Variants in TRPC7 observed in about 807,000 individuals in gnomAD.
TRPC7 encodes short transient receptor potential channel 7.
In TRPC7, 42 loss-of-function variants were observed where a neutral mutation model predicts 90.1. The ratio of observed to expected loss-of-function variants is 0.47; its 90% confidence interval spans 0.36 to 0.60. The LOEUF (loss-of-function observed/expected upper bound fraction) is 0.60. Ranked by LOEUF, TRPC7 falls within the 20% of genes least tolerant of loss-of-function variation. The pLI is 0.00. For missense variants in TRPC7, 955 were observed against 1,112.3 expected (o/e 0.86, Z 2.01); for synonymous variants, 451 against 436.3 (o/e 1.03, Z -0.42).
At chr5:136,305,478 C>T (rs1428569121) in intron 3 of TRPC7, among the ~76,000 whole-genome samples, 1 of 152,076 alleles carries the variant, frequency 6.6e-6, no homozygotes, top group African/African-American at 2.4e-5. Flanking sequence ...TTCAGGCCCC[C>T]TCCCTTCCCT....
intron 3 of TRPC7, among the ~76,000 whole-genome samples, chr5:136,303,500 C>A (rs1416794300): frequency 6.6e-6 from 1 of 152,200 alleles, no homozygotes; most frequent in Non-Finnish European, 1.5e-5. Context: ...ACCCCAGCCA[C>A]AACTTCAGCA....
At chr5:136,294,511 T>C (rs1241736049) in intron 3 of TRPC7, among the ~76,000 whole-genome samples, 1 of 152,076 alleles carries the variant, frequency 6.6e-6, no homozygotes, top group Non-Finnish European at 1.5e-5. Context: ...AAAGAAGACA[T>C]TTATGCAGCC....
chr5:136,323,522 A>T (rs919608121), intron 2 of TRPC7, among the ~76,000 whole-genome samples: 1 of 152,084 alleles, frequency 6.6e-6, no homozygotes, highest in Non-Finnish European at 1.5e-5. Flanking sequence ...ATATGATGTG[A>T]GGTGTAGGTT....
rs1039099665 is a variant in TRPC7, at chr5:136,326,982, A to C, written c.781-11203T>G. Among the ~76,000 whole-genome samples the C allele has an allele frequency of 9.9e-5, 15 of 152,236 alleles. No individual in the cohort carries two copies. In the South Asian group the frequency reaches 1.0e-3, roughly 11 times the overall value. On this transcript the variant is annotated intron_variant, in intron 2 of 11. Coordinates refer to ENST00000513104, the MANE Select transcript of TRPC7 (RefSeq NM_020389.3). ...TGAGGCATTCAAGGGAGATGGAAAA[A>C]CTGGAGTCAGAGAGTGTGATGTGCA... is the stretch of plus-strand genomic sequence containing the variant.
intron 8 of TRPC7, among the ~76,000 whole-genome samples, chr5:136,228,866 CT>C (rs1490492136): frequency 6.6e-6 from 1 of 152,206 alleles, no homozygotes; most frequent in East Asian, 1.9e-4. Flanking sequence ...AATACACTCT[CT>C]GCATGTCGCG....
chr5:136,352,287 C>T (rs1760218008), intron 2 of TRPC7, among the ~76,000 whole-genome samples: 1 of 152,164 alleles, frequency 6.6e-6, no homozygotes, highest in African/African-American at 2.4e-5. Context: ...CATGTCCCCG[C>T]CCTGCCCCAC....
intron 3 of TRPC7, among the ~76,000 whole-genome samples, chr5:136,302,266 G>A (rs1181302687): frequency 2.0e-5 from 3 of 152,194 alleles, no homozygotes; most frequent in African/African-American, 7.2e-5. Context: ...GCCTGCCTTG[G>A]TCCTTCACCC....
Position 136,213,567 on chromosome 5 carries a change from C to T in TRPC7, c.2457G>A (p.Leu819=). 3 of 1,614,054 alleles carry T rather than the reference C, an allele frequency of 1.9e-6. No individual in the cohort carries two copies. Among genetic ancestry groups the T allele is most frequent in the East Asian group, 2.2e-5 (1 of 44,884 alleles). The stretch of plus-strand genomic sequence containing the variant: ...ATTTTTCCTCAAGAAGCTCATAGCG[C>T]AGGCTGGAGATATCTTGCTTGATTT... ...LKEIKQDISS[L]RYELLEEKSQ... Residue 819 remains leucine (L), a synonymous_variant, in exon 12 of 12, where the codon CTG becomes CTA. Coordinates refer to ENST00000513104, the MANE Select transcript of TRPC7 (RefSeq NM_020389.3).
chr5:136,365,315 C>A lies in TRPC7; in HGVS notation c.-61G>T, dbSNP rs1169653005. 1.3e-6 allele frequency: 2 copies of A among 1,530,664 alleles called. No homozygotes were observed. Among genetic ancestry groups the A allele is most frequent in the South Asian group, 1.2e-5 (1 of 83,920 alleles). 94.8% of individuals were successfully genotyped at this position (1,530,664 alleles called of 1,614,324 possible). On this transcript the variant is annotated 5_prime_UTR_variant, in exon 1 of 12. Transcript: ENST00000513104. Reference sequence around the variant, plus strand: ...ATGACCGGAATCCGGTGTTGAGTCGCCAGAAGCTGGCTCCCCATGGGTGGT... The same window carrying A: ...ATGACCGGAATCCGGTGTTGAGTCGACAGAAGCTGGCTCCCCATGGGTGGT...
At chr5:136,310,134 A>T (rs1390392409) in intron 3 of TRPC7, among the ~76,000 whole-genome samples, 1 of 152,108 alleles carries the variant, frequency 6.6e-6, no homozygotes, top group East Asian at 1.9e-4. Flanking sequence ...ACCCTCTTTC[A>T]GTTCCTCTTA....
At chr5:136,303,563 C>A (rs1758483747) in intron 3 of TRPC7, among the ~76,000 whole-genome samples, 1 of 152,142 alleles carries the variant, frequency 6.6e-6, no homozygotes, top group Non-Finnish European at 1.5e-5. Context: ...CCTCCAGAAC[C>A]TCCTCCCCCA....
intron 10 of TRPC7, among the ~76,000 whole-genome samples, chr5:136,217,474 A>G (rs1755306149): frequency 6.6e-6 from 1 of 152,148 alleles, no homozygotes; most frequent in Non-Finnish European, 1.5e-5. Context: ...AAGGCTCTCT[A>G]GGATAACACT....
chr5:136,297,556 C>T (rs1400535504), intron 3 of TRPC7, among the ~76,000 whole-genome samples: 1 of 151,798 alleles, frequency 6.6e-6, no homozygotes, highest in African/African-American at 2.4e-5. Flanking sequence ...AATAAGTATA[C>T]TCATTACCCA....
intron 9 of TRPC7, 36 bp from the exon 10 acceptor site, chr5:136,225,390 G>T: frequency 6.3e-7 from 1 of 1,592,606 alleles, no homozygotes; most frequent in South Asian, 1.1e-5. Context: ...ACATCACACA[G>T]AAAAACATAC....
chr5:136,285,111 A>T (rs186576484), intron 3 of TRPC7, among the ~76,000 whole-genome samples: 3 of 152,330 alleles, frequency 2.0e-5, no homozygotes, highest in Non-Finnish European at 2.9e-5. Flanking sequence ...GGAGACATGC[A>T]GGTAGCTCAG....
chr5:136,231,298 A>T, intron 8 of TRPC7, 56 bp downstream of exon 8: 1 of 1,459,474 alleles, frequency 6.9e-7, no homozygotes, highest in South Asian at 1.4e-5. Flanking sequence ...CATTGCTGAA[A>T]AAAGCAATGT....
chr5:136,317,545 A>G, intron 2 of TRPC7, among the ~76,000 whole-genome samples: 1 of 152,182 alleles, frequency 6.6e-6, no homozygotes, highest in East Asian at 1.9e-4. Flanking sequence ...GCTCAGCAAC[A>G]TGGACAAGGT....
chr5:136,321,685 G>A (rs1324260993), intron 2 of TRPC7, among the ~76,000 whole-genome samples: 1 of 152,138 alleles, frequency 6.6e-6, no homozygotes, highest in African/African-American at 2.4e-5. Context: ...GTGGGAGTAA[G>A]ACTGGCTCAT....
chr5:136,349,142 C>G (rs991292851), intron 2 of TRPC7, among the ~76,000 whole-genome samples: 1 of 152,170 alleles, frequency 6.6e-6, no homozygotes, highest in Admixed American at 6.6e-5. Context: ...TCCTCCTCCT[C>G]TTTTGCTTCT....
Sources: gnomAD v4.1 joint callset for allele counts (sites outside exome capture counted in the v4.1 genomes callset) on GRCh38, gnomAD v4.1.1 for gene constraint, MANE v1.5 for transcripts, NCBI Gene and HGNC (gene_info 2026-07-23, HGNC 2026-07-21) for gene names.